Variants in SECISBP2 observed in about 807,000 individuals in gnomAD.
The protein encoded by SECISBP2 is SECIS binding protein 2.
SECISBP2 carries 96 observed loss-of-function variants against 98.2 expected under a neutral mutation model. That is an observed-to-expected ratio of 0.98 (90% confidence interval 0.83 to 1.16). The LOEUF (loss-of-function observed/expected upper bound fraction) is 1.16. Among genes scored for constraint, SECISBP2 ranks in the 50% most tolerant of loss-of-function variants. The pLI, the probability that SECISBP2 is intolerant of heterozygous loss-of-function variation, is 0.00. For missense variants in SECISBP2, 1,046 were observed against 1,022.9 expected (o/e 1.02, Z -0.31); for synonymous variants, 407 against 370.2 (o/e 1.10, Z -1.14).
intron 6 of SECISBP2, chr9:89,333,940 T>A: frequency 1.2e-6 from 1 of 809,702 alleles, no homozygotes; most frequent in Admixed American, 5.5e-5. Context: ...AACAGTCTGT[T>A]TTACCCTTGG....
chr9:89,325,838 T>A lies in SECISBP2; in HGVS notation c.433-59T>A, dbSNP rs1564327496. 2.5e-6 allele frequency: 4 copies of A among 1,610,708 alleles called. No individual in the cohort carries two copies. The East Asian group carries it at 8.9e-5, about 36-fold the overall frequency. On this transcript the variant is annotated intron_variant, in intron 3 of 16. Coordinates refer to ENST00000375807, the MANE Select transcript of SECISBP2 (RefSeq NM_024077.5). ...TTGTGAATACTTAATATTTTGCTGC[T>A]TTAAACCTTTTTTATAGTGGTGGTT...
intron 2 of SECISBP2, chr9:89,324,153 C>T (rs982814569): frequency 6.6e-6 from 1 of 152,146 alleles, no homozygotes; most frequent in Non-Finnish European, 1.5e-5. Context: ...ACTAGCTTTT[C>T]TCAACTACAA....
In SECISBP2 at chr9:89,358,882, T is replaced by G; in HGVS notation, c.*58T>G. On this transcript the variant is annotated 3_prime_UTR_variant, in exon 17 of 17. Transcript: ENST00000375807. ...AGGAGGGGAGGTCTGAAAAAGACTT[T>G]GGGGCTTTTTCTTCTGTTTTTCATG... The G allele has an allele frequency of 9.7e-7, 1 of 1,035,850 alleles. No homozygotes were observed. The highest frequency in any genetic ancestry group is 1.3e-5 in the South Asian group (1 of 77,344). The allele number at this position is 1,035,850 out of a possible 1,614,324, so 64.2% of individuals were successfully genotyped here.
In SECISBP2 at chr9:89,358,181, G is replaced by A; in HGVS notation, c.2451G>A (p.Glu817=). 1 of 1,611,222 alleles carries A rather than the reference G, an allele frequency of 6.2e-7. No homozygotes were observed. The highest frequency in any genetic ancestry group is 1.3e-5 in the African/African-American group (1 of 74,406). ...CCCCAGCCCTGAAAGAAAAAGAAGA[G>A]CCACACTACAGTGAGTGCTTAAGGG... ...DGPPALKEKE[E]PHYIEIWKKH... is the part of the protein sequence containing the mutation. Residue 817 remains glutamate, a synonymous_variant, in exon 16 of 17, where the codon GAG becomes GAA. Coordinates refer to ENST00000375807, the MANE Select transcript of SECISBP2 (RefSeq NM_024077.5).
downstream of SECISBP2, chr9:89,364,448 C>CAA (rs1833260586): frequency 4.6e-6 from 1 of 215,094 alleles, no homozygotes; most frequent in Admixed American, 5.1e-5. Flanking sequence ...GCCTGTCTCT[C>CAA]CAATTGAGAC....
chr9:89,350,241 A>C (rs893923940), intron 13 of SECISBP2, among the ~76,000 whole-genome samples: 2 of 152,084 alleles, frequency 1.3e-5, no homozygotes, highest in African/African-American at 4.8e-5. Context: ...ATCTCTGTGT[A>C]ATGTCTTAGG....
chr9:89,351,869 G>A (rs934844918), intron 14 of SECISBP2, among the ~76,000 whole-genome samples: 1 of 152,128 alleles, frequency 6.6e-6, no homozygotes, highest in Admixed American at 6.5e-5. Context: ...TGCTTCCCTG[G>A]CTGTTTTTGT....
Position 89,349,762 on chromosome 9 carries a change from T to C in SECISBP2, c.1739-14T>C, listed in dbSNP as rs112339440. 1.2e-6 allele frequency: 2 copies of C among 1,613,976 alleles called. No individual in the cohort carries two copies. The highest frequency in any genetic ancestry group is 1.3e-5 in the African/African-American group (1 of 74,866). On this transcript the variant is annotated splice_polypyrimidine_tract_variant and intron_variant, in intron 12 of 16. Transcript: ENST00000375807. ...CCTCACAGATATCTGATGATGCCTT[T>C]TTCCTCCATGAAGGGCCAGAGGGGA...
At chr9:89,358,323 C>G in intron 16 of SECISBP2, 132 bp downstream of exon 16, 1 of 905,720 alleles carries the variant, frequency 1.1e-6, no homozygotes, top group Non-Finnish European at 1.8e-6. Context: ...AAGTCCAGCC[C>G]ATTGCCTAAG....
At chr9:89,324,811 T>C (rs1564322076) in intron 2 of SECISBP2, 1 of 153,092 alleles carries the variant, frequency 6.5e-6, no homozygotes, top group East Asian at 1.9e-4. Context: ...TCAAATTGGC[T>C]AAAAAAGAAA....
downstream of SECISBP2, chr9:89,362,085 C>CTGTT (rs1483552274): frequency 3.7e-6 from 2 of 534,294 alleles, no homozygotes; most frequent in Non-Finnish European, 6.8e-6. Flanking sequence ...ACACACCCTG[C>CTGTT]TGTTTTAGTT....
At chr9:89,331,450 TG>T (rs1564354084) in intron 5 of SECISBP2, among the ~76,000 whole-genome samples, 4 of 152,250 alleles carry the variant, frequency 2.6e-5, no homozygotes, top group Non-Finnish European at 5.9e-5. Flanking sequence ...TGGATAAATT[TG>T]TGAAGCATAT....
Position 89,344,319 on chromosome 9 carries a change from G to C in SECISBP2, c.1436-2563G>C, listed in dbSNP as rs192499914. Among the ~76,000 whole-genome samples, 33 of 152,296 alleles carry C rather than the reference G, an allele frequency of 2.2e-4. No individual in the cohort carries two copies. In the East Asian group the frequency reaches 5.6e-3, roughly 26 times the overall value. On this transcript the variant is annotated intron_variant, in intron 10 of 16. Coordinates refer to ENST00000375807, the MANE Select transcript of SECISBP2 (RefSeq NM_024077.5). ...ATGCAGAAGCTCTTTAGTTTAATTA[G>C]ATCCCATTTGTCAATTTTTGCTTTT... is the stretch of plus-strand genomic sequence containing the variant.
intron 14 of SECISBP2, among the ~76,000 whole-genome samples, chr9:89,353,874 A>G (rs1225712002): frequency 6.6e-6 from 1 of 152,168 alleles, no homozygotes; most frequent in Non-Finnish European, 1.5e-5. Flanking sequence ...CATTTGTGTA[A>G]TCATTGGTTC....
intron 9 of SECISBP2, among the ~76,000 whole-genome samples, chr9:89,340,731 C>A (rs772720133): frequency 6.6e-6 from 1 of 152,128 alleles, no homozygotes; most frequent in African/African-American, 2.4e-5. Flanking sequence ...GAGAATGGAG[C>A]GGAGGCACTA....
rs79203126 is a variant in SECISBP2 at position 89,349,732 on chromosome 9, C to G, written c.1739-44C>G. On this transcript the variant is annotated intron_variant, in intron 12 of 16. Coordinates refer to ENST00000375807, the MANE Select transcript of SECISBP2 (RefSeq NM_024077.5). ...TTGGGCCAGCCCCTCAGTGTGTGCA[C>G]TGGGCCTCACAGATATCTGATGATG... 1.4e-3 allele frequency: 2,310 copies of G among 1,611,676 alleles called. 32 individuals carry two copies. The African/African-American group carries it at 0.028, about 19-fold the overall frequency.
chr9:89,324,972 TAGTC>T (rs1488772471), intron 2 of SECISBP2: 64 of 236,090 alleles, frequency 2.7e-4, no homozygotes, highest in Middle Eastern at 1.6e-3. Context: ...CTGACCCTGT[TAGTC>T]AGCAAAGCGC....
downstream of SECISBP2, chr9:89,363,359 TC>T (rs1833047555): frequency 1.9e-6 from 3 of 1,590,948 alleles, 1 homozygote; most frequent in South Asian, 3.4e-5. Context: ...CCTTGAAAGA[TC>T]CACTGGATGT....
intron 1 of SECISBP2, chr9:89,318,828 C>A: frequency 7.9e-7 from 1 of 1,269,116 alleles, no homozygotes; most frequent in Non-Finnish European, 1.0e-6. Context: ...CCACAGTTAG[C>A]GCCGCGTCTG....
Sources: gnomAD v4.1 joint callset for allele counts (sites outside exome capture counted in the v4.1 genomes callset) on GRCh38, gnomAD v4.1.1 for gene constraint, MANE v1.5 for transcripts, NCBI Gene and HGNC (gene_info 2026-07-23, HGNC 2026-07-21) for gene names.